The following CIT variants were observed in gnomAD, a reference collection of about 807,000 sequenced individuals.
The protein encoded by CIT is citron Rho-interacting kinase.
CIT carries 79 observed loss-of-function variants against 272.7 expected under a neutral mutation model. The ratio of observed to expected loss-of-function variants is 0.29; its 90% CI spans 0.24 to 0.35. The LOEUF (loss-of-function observed/expected upper bound fraction) is 0.35. Ranked by LOEUF, CIT falls within the 10% of genes least tolerant of loss-of-function variation. The pLI, the probability that CIT is intolerant of heterozygous loss-of-function variation, is 1.00. For synonymous variants in CIT, 948 were observed against 995.6 expected (o/e 0.95, Z 0.90); for missense variants, 1,909 against 2,618.3 (o/e 0.73, Z 5.91).
chr12:119,839,845 G>A (rs982152435), intron 5 of CIT, among the ~76,000 whole-genome samples: 1 of 152,198 alleles, frequency 6.6e-6, no homozygotes, highest in Non-Finnish European at 1.5e-5. Context: ...AAGAGGACCA[G>A]ATACCATGCC....
chr12:119,792,073 G>C (rs1469812962), intron 10 of CIT, among the ~76,000 whole-genome samples: 1 of 152,102 alleles, frequency 6.6e-6, no homozygotes, highest in African/African-American at 2.4e-5. Context: ...TATCAAAAGA[G>C]AATACAATGT....
intron 30 of CIT, chr12:119,719,118 CT>C: frequency 2.3e-6 from 1 of 432,558 alleles, no homozygotes; most frequent in Non-Finnish European, 4.3e-6. Context: ...ACCTCTTCCT[CT>C]AGCATTGCCA....
rs566177087 is a variant in CIT, at chr12:119,792,456, G to A, written c.1296-7391C>T. ...ACTGGCTTTTAAGATTGAGCATTCCGAAATTTGTGAACTTGTTTTATTTAT... is the reference window on the plus strand; with the variant it reads ...ACTGGCTTTTAAGATTGAGCATTCCAAAATTTGTGAACTTGTTTTATTTAT... On this transcript the variant is annotated intron_variant, in intron 10 of 47. Coordinates refer to ENST00000392521, the MANE Select transcript of CIT (RefSeq NM_001206999.2). Among the ~76,000 whole-genome samples the A allele has an allele frequency of 2.5e-4, 38 of 152,124 alleles. 1 individual carries two copies. Among genetic ancestry groups the A allele is most frequent in the East Asian group, 1.6e-3 (8 of 5,146 alleles).
chr12:119,827,944 A>G lies in CIT; in HGVS notation c.754-2576T>C, dbSNP rs368304803. On this transcript the variant is annotated intron_variant, in intron 7 of 47. Transcript: ENST00000392521. ...TTATTGCCACAGACTGTTCAGGAAT[A>G]TTCAGTTCTCCTTATTTGCAGCTCA... Among the ~76,000 whole-genome samples the G allele has an allele frequency of 2.6e-4, 39 of 152,332 alleles. 1 individual carries two copies. In the East Asian group the frequency reaches 6.2e-3, roughly 24 times the overall value.
intron 24 of CIT, among the ~76,000 whole-genome samples, chr12:119,741,810 T>A (rs1360350983): frequency 6.6e-6 from 1 of 152,232 alleles, no homozygotes; most frequent in Non-Finnish European, 1.5e-5. Context: ...GAATTCCCAC[T>A]GACCCTACTC....
intron 3 of CIT, among the ~76,000 whole-genome samples, chr12:119,861,304 G>T (rs1170296099): frequency 6.6e-6 from 1 of 151,802 alleles, no homozygotes; most frequent in Non-Finnish European, 1.5e-5. Context: ...GCAGTCAGAG[G>T]GCCAGGCACT....
At chr12:119,834,583 A>G (rs1968867390) in intron 5 of CIT, among the ~76,000 whole-genome samples, 1 of 152,038 alleles carries the variant, frequency 6.6e-6, no homozygotes, top group Non-Finnish European at 1.5e-5. Flanking sequence ...GAGGGCAACC[A>G]CTCTTATATC....
rs1465190149 is a variant in CIT, at chr12:119,735,217, C to G, written c.3099G>C (p.Val1033=). The change falls in exon 25 of 48, where the codon GTG becomes GTC. Residue 1033 remains valine, a synonymous_variant. Coordinates refer to ENST00000392521, the MANE Select transcript of CIT (RefSeq NM_001206999.2). ...CCGTGATCTCCCGGCGGAGATGGTC[C>G]ACTTCACTTCGCAGTTGTACAATCT... ...NDEIVQLRSE[V]DHLRREITER... 6.2e-7 allele frequency: 1 copy of G among 1,614,138 alleles called. No homozygotes were observed. Among genetic ancestry groups the G allele is most frequent in the Non-Finnish European group, 8.5e-7 (1 of 1,180,030 alleles).
intron 10 of CIT, among the ~76,000 whole-genome samples, chr12:119,791,068 C>T (rs1593760661): frequency 6.6e-6 from 1 of 152,192 alleles, no homozygotes; most frequent in Non-Finnish European, 1.5e-5. Flanking sequence ...TGCCCTATAC[C>T]TCTATGTTCT....
intron 24 of CIT, among the ~76,000 whole-genome samples, chr12:119,741,598 T>C (rs190302266): frequency 3.3e-4 from 50 of 152,234 alleles, no homozygotes; most frequent in African/African-American, 1.0e-3. Context: ...GAAAATAAAA[T>C]ATGTATGTGT....
At chr12:119,838,837 C>A (rs748413090) in intron 5 of CIT, among the ~76,000 whole-genome samples, 11 of 152,150 alleles carry the variant, frequency 7.2e-5, no homozygotes, top group Non-Finnish European at 1.2e-4. Flanking sequence ...GTCTCCTGCA[C>A]ACACAATGAG....
In CIT at chr12:119,704,381, G is replaced by C; in HGVS notation, c.5286C>G (p.Ser1762Arg). The stretch of plus-strand genomic sequence containing the variant: ...GACTTACTTTCCGGATGCAGTATTT[G>C]CTGAGGTTTTCGTTGTAGCGGAGAA... ...VVILRYNENL[S>R]KYCIRKEIET... Residue 1762 changes from serine to arginine, a missense_variant, in exon 41 of 48, where the codon AGC becomes AGG. Ser to Arg is a moderately radical substitution (Grantham distance 110, BLOSUM62 -1). Transcript: ENST00000392521. 2.5e-6 allele frequency: 4 copies of C among 1,613,972 alleles called. No homozygotes were observed. The highest frequency in any genetic ancestry group is 3.4e-6 in the Non-Finnish European group (4 of 1,179,852).
intron 5 of CIT, among the ~76,000 whole-genome samples, chr12:119,839,723 C>T (rs965245640): frequency 9.9e-5 from 15 of 152,092 alleles, no homozygotes; most frequent in South Asian, 4.2e-4. Context: ...AGACAGGACA[C>T]GCAAAACAGG....
In CIT at chr12:119,728,913, C is replaced by T. The variant is rs112471530; in HGVS notation, c.3487-307G>A. On this transcript the variant is annotated intron_variant, in intron 27 of 47. Transcript: ENST00000392521. The surrounding 1 kb of genome is among the most constrained non-coding windows in gnomAD (Gnocchi z 4.3). ...GGCTGAATTTAATTAAATAATCATA[C>T]GCTGAATGCTTACTACCTGCATTAT... 0.02 allele frequency among the ~76,000 whole-genome samples: 3,115 copies of T among 152,242 alleles called. 41 individuals are homozygous for T. The highest frequency in any genetic ancestry group is 0.023 in the African/African-American group (966 of 41,542).
Position 119,697,429 on chromosome 12 carries a change from G to A in CIT, c.5882+230C>T, listed in dbSNP as rs528820669. 2.0e-5 allele frequency among the ~76,000 whole-genome samples: 3 copies of A among 152,304 alleles called. No homozygotes were observed. In the East Asian group the frequency reaches 5.8e-4, roughly 29 times the overall value. ...CAAGCCAATGAAAATACCCAGGAGA[G>A]AAAGATCAGACCTCTCCCCTCTGAC... On this transcript the variant is annotated intron_variant, in intron 46 of 47. Transcript: ENST00000392521. This position sits in a 1 kb window ranked among gnomAD's most constrained non-coding sequence, Gnocchi z 4.9.
At chr12:119,822,220 G>T (rs1967780270) in intron 9 of CIT, among the ~76,000 whole-genome samples, 1 of 152,244 alleles carries the variant, frequency 6.6e-6, no homozygotes, top group Non-Finnish European at 1.5e-5. Context: ...AGAGCATTGT[G>T]TGGTTTCTGT....
intron 8 of CIT, among the ~76,000 whole-genome samples, chr12:119,824,137 T>C (rs1332467733): frequency 7.7e-5 from 8 of 103,850 alleles, no homozygotes; most frequent in African/African-American, 2.7e-4. Flanking sequence ...TATATATATA[T>C]ATATACAGTA....
intron 7 of CIT, among the ~76,000 whole-genome samples, chr12:119,828,107 G>C (rs1162828906): frequency 2.0e-5 from 3 of 152,088 alleles, no homozygotes; most frequent in Non-Finnish European, 2.9e-5. Context: ...ATCAAAGAAA[G>C]ATAATTCCCC....
intron 9 of CIT, among the ~76,000 whole-genome samples, chr12:119,819,480 A>G (rs1967501727): frequency 6.6e-6 from 1 of 152,206 alleles, no homozygotes; most frequent in Non-Finnish European, 1.5e-5. Context: ...AATTGCATTT[A>G]TATATCCTGC....
Sources: allele counts gnomAD v4.1 joint callset (sites outside exome capture counted in the v4.1 genomes callset), GRCh38; gene constraint gnomAD v4.1.1; non-coding constraint Gnocchi (gnomAD v3.1); transcripts MANE v1.5; gene names NCBI Gene and HGNC (gene_info 2026-07-23, HGNC 2026-07-21).